Variants in MPHOSPH8 observed in about 807,000 individuals in gnomAD.
MPHOSPH8 encodes the protein M-phase phosphoprotein, mpp.
In MPHOSPH8, 45 loss-of-function variants were observed where a neutral mutation model predicts 87.3. That is an observed-to-expected ratio of 0.52 (90% CI 0.41 to 0.66). The LOEUF (loss-of-function observed/expected upper bound fraction) is 0.66. MPHOSPH8 is among the 30% of genes least tolerant of loss of function. The pLI is 0.00. For missense variants in MPHOSPH8, 883 were observed against 1,020.2 expected, an observed-to-expected ratio of 0.87 and a Z score of 1.83; for synonymous variants, 366 against 376.9, an observed-to-expected ratio of 0.97 and a Z score of 0.33.
intron 10 of MPHOSPH8, among the ~76,000 whole-genome samples, chr13:19,666,942 A>T (rs1019934794): frequency 6.6e-6 from 1 of 152,166 alleles, no homozygotes; most frequent in Non-Finnish European, 1.5e-5. Flanking sequence ...CGGGTGGATC[A>T]CTTAAGGTCA....
At chr13:19,646,310 G>C in intron 2 of MPHOSPH8, 133 bp from the exon 3 acceptor site, 2 of 738,852 alleles carry the variant, frequency 2.7e-6, no homozygotes, top group Non-Finnish European at 3.9e-6. Flanking sequence ...TTTCAGCTTA[G>C]GTAAGCAGTT....
At chr13:19,639,251 T>C (rs958380677) in intron 1 of MPHOSPH8, among the ~76,000 whole-genome samples, 1 of 151,662 alleles carries the variant, frequency 6.6e-6, no homozygotes, top group Non-Finnish European at 1.5e-5. Flanking sequence ...TGCTTGCGAC[T>C]CCTCCTGAGC....
At chr13:19,647,956 C>T (rs1410353159) in intron 3 of MPHOSPH8, among the ~76,000 whole-genome samples, 1 of 151,882 alleles carries the variant, frequency 6.6e-6, no homozygotes, top group Non-Finnish European at 1.5e-5. Context: ...CAAAATAGAA[C>T]AACTTAGAAA....
chr13:19,646,111 CT>C (rs140321596), intron 2 of MPHOSPH8, among the ~76,000 whole-genome samples: 1,968 of 152,150 alleles, frequency 0.013, 30 homozygotes, highest in South Asian at 0.078. Context: ...GTAAAAATTA[CT>C]TTCTTGGTGG....
chr13:19,657,782 C>G (rs1875277028), intron 5 of MPHOSPH8, among the ~76,000 whole-genome samples: 1 of 152,130 alleles, frequency 6.6e-6, no homozygotes, highest in Admixed American at 6.5e-5. Context: ...AAGACCTCAT[C>G]TGTTCTGCTT....
chr13:19,660,760 C>G (rs117706003), intron 7 of MPHOSPH8, among the ~76,000 whole-genome samples: 4 of 151,982 alleles, frequency 2.6e-5, no homozygotes, highest in Non-Finnish European at 4.4e-5. Context: ...TATTGCTTGT[C>G]GATGGTAAAG....
At chr13:19,644,559 A>C (rs931547091) in intron 2 of MPHOSPH8, among the ~76,000 whole-genome samples, 1 of 152,222 alleles carries the variant, frequency 6.6e-6, no homozygotes, top group Admixed American at 6.5e-5. Context: ...TCTGAAGTTC[A>C]TGCTTTAGTA....
chr13:19,634,049 C>A, intron 1 of MPHOSPH8, 88 bp downstream of exon 1: 4 of 1,332,438 alleles, frequency 3.0e-6, no homozygotes, highest in Admixed American at 4.0e-5. Flanking sequence ...CGGGCAGACC[C>A]AAAACAGGAG....
chr13:19,645,553 C>G (rs981998239), intron 2 of MPHOSPH8, among the ~76,000 whole-genome samples: 1 of 152,088 alleles, frequency 6.6e-6, no homozygotes, highest in Non-Finnish European at 1.5e-5. Context: ...GTCAGGGGTT[C>G]GAGACCAGCC....
In MPHOSPH8 at chr13:19,667,141, G is replaced by A. The variant is rs9579624; in HGVS notation, c.2174+562G>A. On this transcript the variant is annotated intron_variant, in intron 10 of 13. Transcript: ENST00000361479. ...CACACCACTGCACTCCAGCCTGGGC[G>A]ACAGAGCAACACTCTGTTTCCGCCC... Among the ~76,000 whole-genome samples, 402 of 152,232 alleles carry A rather than the reference G, an allele frequency of 2.6e-3. 3 individuals are homozygous for A. Among genetic ancestry groups the A allele is most frequent in the Non-Finnish European group, 4.7e-3 (323 of 68,004 alleles).
intron 13 of MPHOSPH8, 25 bp downstream of exon 13, chr13:19,671,314 G>C: frequency 1.3e-6 from 2 of 1,577,914 alleles, no homozygotes; most frequent in Non-Finnish European, 1.7e-6. Context: ...TTCACATTTA[G>C]TGTCACTACT....
chr13:19,655,554 A>G (rs1875113760), intron 5 of MPHOSPH8, among the ~76,000 whole-genome samples: 1 of 152,010 alleles, frequency 6.6e-6, no homozygotes, highest in South Asian at 2.1e-4. Flanking sequence ...CATTGATTTG[A>G]TTTGATTTTT....
At chr13:19,641,565 T>C (rs1002293071) in intron 1 of MPHOSPH8, among the ~76,000 whole-genome samples, 7 of 145,612 alleles carry the variant, frequency 4.8e-5, no homozygotes, top group Admixed American at 1.4e-4. Context: ...TGATCTTGGC[T>C]CACTGCAACC....
At chr13:19,644,295 C>T (rs1017064360) in intron 2 of MPHOSPH8, among the ~76,000 whole-genome samples, 1 of 152,162 alleles carries the variant, frequency 6.6e-6, no homozygotes, top group Non-Finnish European at 1.5e-5. Context: ...CTCTCTCTCC[C>T]TCTATATCTA....
At chr13:19,646,065 C>T (rs932255159) in intron 2 of MPHOSPH8, among the ~76,000 whole-genome samples, 1 of 151,904 alleles carries the variant, frequency 6.6e-6, no homozygotes, top group Admixed American at 6.6e-5. Context: ...TTTGTATTTG[C>T]ATTGGTAACT....
chr13:19,670,180 C>T, intron 11 of MPHOSPH8, 56 bp from the exon 12 acceptor site: 1 of 1,604,796 alleles, frequency 6.2e-7, no homozygotes, highest in Non-Finnish European at 8.5e-7. Context: ...GTTGAGTGTT[C>T]CTCTGGGGAC....
At chr13:19,636,112 T>A (rs1873993441) in intron 1 of MPHOSPH8, among the ~76,000 whole-genome samples, 1 of 152,204 alleles carries the variant, frequency 6.6e-6, no homozygotes. Flanking sequence ...CAGTCTCAGG[T>A]ATTTCTTCAT....
At chr13:19,661,945 CTTT>C (rs397761364) in intron 8 of MPHOSPH8, 107 bp downstream of exon 8, 2,387 of 1,030,312 alleles carry the variant, frequency 2.3e-3, no homozygotes, top group South Asian at 3.9e-3. Context: ...GGTCACATCG[CTTT>C]TTTTTTTTTT....
At chr13:19,636,583 A>G (rs906039648) in intron 1 of MPHOSPH8, among the ~76,000 whole-genome samples, 4 of 151,860 alleles carry the variant, frequency 2.6e-5, no homozygotes, top group African/African-American at 4.8e-5. Context: ...GGCTCAAACA[A>G]TCCTGCCACC....
Sources: gnomAD v4.1 joint callset for allele counts (sites outside exome capture counted in the v4.1 genomes callset) on GRCh38, gnomAD v4.1.1 for gene constraint, MANE v1.5 for transcripts, NCBI Gene and HGNC (gene_info 2026-07-23, HGNC 2026-07-21) for gene names.